SLC6A6: variants seen among roughly 807,000 people sequenced by gnomAD.
SLC6A6 encodes the protein sodium- and chloride-dependent taurine transporter.
In SLC6A6, 16 loss-of-function variants were observed where a neutral mutation model predicts 68.8. That is an observed-to-expected ratio of 0.23 (90% CI 0.16 to 0.35). The LOEUF (loss-of-function observed/expected upper bound fraction) is 0.35. Ranked by LOEUF, SLC6A6 falls within the 10% of genes least tolerant of loss-of-function variation. SLC6A6 has a pLI of 1.00. For synonymous variants in SLC6A6, 312 were observed against 315.4 expected (o/e 0.99, Z 0.12); for missense variants, 474 against 802.8 (o/e 0.59, Z 4.95).
At chr3:14,439,085 T>C (rs1699924563) in intron 2 of SLC6A6, among the ~76,000 whole-genome samples, 2 of 151,860 alleles carry the variant, frequency 1.3e-5, no homozygotes, top group Non-Finnish European at 2.9e-5. Context: ...GATATAGGGG[T>C]CCCCATTTGC....
chr3:14,427,861 C>T (rs1699636379), intron 2 of SLC6A6, among the ~76,000 whole-genome samples: 1 of 152,174 alleles, frequency 6.6e-6, no homozygotes, highest in African/African-American at 2.4e-5. Flanking sequence ...AGTCCAGTTC[C>T]CAGCCCCTGT....
Position 14,458,012 on chromosome 3 carries a change from C to G in SLC6A6, c.662C>G (p.Ala221Gly), listed in dbSNP as rs774009626. 1 of 1,613,738 alleles carries G rather than the reference C, an allele frequency of 6.2e-7. No individual in the cohort carries two copies. The highest frequency in any genetic ancestry group is 8.5e-7 in the Non-Finnish European group (1 of 1,179,578). ...CCAGGCTCTCTGAAATGGGACCTCG[C>G]TCTCTGCCTTCTTTTAGTCTGGCTA... ...DHPGSLKWDLALCLLLVWLVC... is the reference protein window; with the variant it reads ...DHPGSLKWDLGLCLLLVWLVC... The change falls in exon 6 of 15, where the codon GCT becomes GGT. Residue 221 changes from alanine (A) to glycine (G), a missense_variant. By Grantham distance (60) the Ala-to-Gly change is moderately conservative (BLOSUM62 0). Around this residue, in one of 2 missense-constraint regions of SLC6A6, gnomAD observed 280 missense variants for 533.1 expected, o/e 0.53. Transcript: ENST00000622186.
At chr3:14,413,611 C>T (rs569845974) in intron 1 of SLC6A6, among the ~76,000 whole-genome samples, 47 of 152,222 alleles carry the variant, frequency 3.1e-4, no homozygotes, top group African/African-American at 1.0e-3. Context: ...GGCAGGGCTC[C>T]GCATTCTGGG....
At chr3:14,406,633 G>A (rs561281589) in intron 1 of SLC6A6, among the ~76,000 whole-genome samples, 2 of 152,308 alleles carry the variant, frequency 1.3e-5, no homozygotes, top group East Asian at 3.9e-4. Context: ...CTCTAGGTGA[G>A]TTATGCCAGT....
intron 2 of SLC6A6, among the ~76,000 whole-genome samples, chr3:14,431,201 C>T (rs1382748645): frequency 1.3e-5 from 2 of 152,210 alleles, no homozygotes; most frequent in Non-Finnish European, 2.9e-5. Flanking sequence ...CACCCTTCCC[C>T]ACTGTCCACA....
intron 13 of SLC6A6, among the ~76,000 whole-genome samples, chr3:14,479,542 A>T (rs1223341264): frequency 6.6e-6 from 1 of 152,130 alleles, no homozygotes; most frequent in Non-Finnish European, 1.5e-5. Flanking sequence ...TCCAGAGCGC[A>T]TGAGCTCTGT....
At chr3:14,429,134 G>A (rs1430420635) in intron 2 of SLC6A6, among the ~76,000 whole-genome samples, 2 of 152,174 alleles carry the variant, frequency 1.3e-5, no homozygotes, top group East Asian at 3.8e-4. Context: ...AGGAGCCCTA[G>A]GTCACCCCTG....
intron 6 of SLC6A6, among the ~76,000 whole-genome samples, chr3:14,458,450 G>A (rs1253894582): frequency 6.6e-6 from 1 of 152,190 alleles, no homozygotes; most frequent in Non-Finnish European, 1.5e-5. Context: ...CTAATGTTGG[G>A]CTTCTAATAA....
chr3:14,426,048 C>T (rs1316930539), intron 2 of SLC6A6, among the ~76,000 whole-genome samples: 3 of 152,252 alleles, frequency 2.0e-5, no homozygotes, highest in South Asian at 4.1e-4. Flanking sequence ...CCACCCGGTC[C>T]GTGAAAATAC....
chr3:14,429,754 CT>C (rs1385710331), intron 2 of SLC6A6, among the ~76,000 whole-genome samples: 15 of 152,324 alleles, frequency 9.8e-5, no homozygotes, highest in African/African-American at 3.6e-4. Context: ...TCAGGCAACT[CT>C]GATGTTCCTC....
In SLC6A6 at chr3:14,488,750, C is replaced by A. The variant is rs1213054636; in HGVS notation, c.*3743C>A. On this transcript the variant is annotated 3_prime_UTR_variant, in exon 15 of 15. Transcript: ENST00000622186. ...TCCAGAAAGCAGGGGGCAGCCCTCC[C>A]CCTTTCCTTCTCTCCCTGATCCTCA... The A allele has an allele frequency of 6.6e-6, 1 of 152,580 alleles. No homozygotes were observed. Among genetic ancestry groups the A allele is most frequent in the South Asian group, 2.1e-4 (1 of 4,830 alleles). The allele number at this position is 152,580 out of a possible 1,614,324, so 9.5% of individuals were successfully genotyped here.
In SLC6A6 at chr3:14,467,897, C is replaced by T. The variant is rs1313732680; in HGVS notation, c.912C>T (p.Ile304=). Residue 304 remains isoleucine (I), a synonymous_variant, in exon 8 of 15, where the codon ATC becomes ATT. Transcript: ENST00000622186. ...AGTQIFFSYA[I]CLGAMTSLGS... ...CTCAGATATTCTTCTCTTATGCCAT[C>T]TGCCTGGGGGCTATGACCTCGCTGG... 2 of 1,613,730 alleles carry T rather than the reference C, an allele frequency of 1.2e-6. No individual in the cohort carries two copies. The highest frequency in any genetic ancestry group is 4.5e-5 in the East Asian group (2 of 44,896).
intron 2 of SLC6A6, among the ~76,000 whole-genome samples, chr3:14,420,731 G>A (rs956475721): frequency 3.3e-5 from 5 of 152,106 alleles, no homozygotes; most frequent in African/African-American, 1.2e-4. Flanking sequence ...TGATCCTTCT[G>A]ACTTGGCCTT....
At position 14,472,460 on chromosome 3, in the gene SLC6A6, CAGGACACCAGGAATAGAAAA is replaced by C. The variant is rs1700773913; in HGVS notation, c.1209+146_1209+165del. 3 of 633,346 alleles carry C rather than the reference CAGGACACCAGGAATAGAAAA, an allele frequency of 4.7e-6. No individual in the cohort carries two copies. Among genetic ancestry groups the C allele is most frequent in the Admixed American group, 5.5e-5 (2 of 36,172 alleles). 39.2% of individuals were successfully genotyped at this position (633,346 alleles called of 1,614,324 possible). On this transcript the variant is annotated intron_variant, in intron 10 of 14. Transcript: ENST00000622186. The surrounding 1 kb of genome is among the most constrained non-coding windows in gnomAD (Gnocchi z 4.5). Reference sequence around the variant, plus strand: ...AGTGCTTCAGCTGTGAGGGTTCCTCCAGGACACCAGGAATAGAAAAAGCTCTGCGTCCCCAGAAAGTGCAT... The same window carrying C: ...AGTGCTTCAGCTGTGAGGGTTCCTCCAGCTCTGCGTCCCCAGAAAGTGCAT...
At chr3:14,412,129 C>T (rs920762190) in intron 1 of SLC6A6, among the ~76,000 whole-genome samples, 13 of 152,120 alleles carry the variant, frequency 8.5e-5, no homozygotes, top group South Asian at 2.1e-4. Flanking sequence ...ATTGTGGAAG[C>T]GCGTGCCACC....
intron 2 of SLC6A6, among the ~76,000 whole-genome samples, chr3:14,429,520 C>T (rs1207462402): frequency 2.6e-5 from 4 of 152,206 alleles, no homozygotes; most frequent in African/African-American, 9.7e-5. Context: ...ATCACATGCA[C>T]GCACTGTCAT....
intron 13 of SLC6A6, among the ~76,000 whole-genome samples, chr3:14,479,697 G>A (rs2124997460): frequency 6.6e-6 from 1 of 152,114 alleles, no homozygotes; most frequent in South Asian, 2.1e-4. Context: ...GGGAAGCTTT[G>A]GACTCACCCA....
intron 1 of SLC6A6, among the ~76,000 whole-genome samples, chr3:14,412,550 G>A (rs1054471021): frequency 7.2e-5 from 11 of 152,074 alleles, no homozygotes; most frequent in East Asian, 1.9e-4. Context: ...GTGGTGGCAC[G>A]CACCTGTAGT....
chr3:14,437,516 G>A (rs4684219), intron 2 of SLC6A6, among the ~76,000 whole-genome samples: 119,610 of 152,204 alleles, frequency 0.79, 47,483 homozygotes, highest in African/African-American at 0.9. Flanking sequence ...TATTTATGGT[G>A]TATAACATGA....
Sources: gnomAD v4.1 joint callset for allele counts (sites outside exome capture counted in the v4.1 genomes callset) on GRCh38, gnomAD v4.1.1 for gene constraint, gnomAD v4.1.1 regional missense constraint, Gnocchi (gnomAD v3.1) non-coding constraint, MANE v1.5 for transcripts, NCBI Gene and HGNC (gene_info 2026-07-23, HGNC 2026-07-21) for gene names.